Variants in OSBPL1A observed in about 807,000 individuals in gnomAD.
OSBPL1A encodes the protein oxysterol-binding protein-related protein 1.
A neutral mutation model predicts 137.1 loss-of-function variants in OSBPL1A; 80 were observed. The observed-to-expected ratio is 0.58, with a 90% CI of 0.49 to 0.70. The LOEUF (loss-of-function observed/expected upper bound fraction) is 0.70, where lower values mean the gene tolerates loss of function less well. OSBPL1A is among the 30% of genes least tolerant of loss of function. The pLI, the probability that OSBPL1A is intolerant of heterozygous loss-of-function variation, is 0.00. For missense variants in OSBPL1A, 970 were observed against 1,129.4 expected, an observed-to-expected ratio of 0.86 and a Z score of 2.02; for synonymous variants, 365 against 389.7, an observed-to-expected ratio of 0.94 and a Z score of 0.75.
intron 1 of OSBPL1A, among the ~76,000 whole-genome samples, chr18:24,386,304 AT>A (rs1366461784): frequency 6.6e-6 from 1 of 152,212 alleles, no homozygotes; most frequent in Admixed American, 6.5e-5. Context: ...AAGCCCACAG[AT>A]ATCAGTTTTA....
Position 24,171,450 on chromosome 18 carries a change from A to G in OSBPL1A, c.2250T>C (p.Gly750=), listed in dbSNP as rs2086284272. The G allele has an allele frequency of 6.2e-7, 1 of 1,613,772 alleles. No homozygotes were observed. The highest frequency in any genetic ancestry group is 1.3e-5 in the African/African-American group (1 of 74,926). Residue 750 remains glycine (G), a synonymous_variant, in exon 23 of 28, where the codon GGT becomes GGC. Coordinates refer to ENST00000319481, the MANE Select transcript of OSBPL1A (RefSeq NM_080597.4). The part of the protein sequence containing the change: ...VLNFKPCGLF[G]KELHKVEGYI... ...AGCCTTCAACTTTGTGTAATTCCTTACCAAAAAGGCCACATGGCTTAAAAT... is the reference window on the plus strand; with the variant it reads ...AGCCTTCAACTTTGTGTAATTCCTTGCCAAAAAGGCCACATGGCTTAAAAT...
chr18:24,317,087 G>A, intron 11 of OSBPL1A, 62 bp downstream of exon 11: 1 of 1,519,632 alleles, frequency 6.6e-7, no homozygotes, highest in Non-Finnish European at 9.1e-7. Context: ...AATGATTTGG[G>A]TCAATCACTT....
intron 16 of OSBPL1A, among the ~76,000 whole-genome samples, chr18:24,237,734 A>C (rs1240700043): frequency 6.6e-6 from 1 of 152,162 alleles, no homozygotes; most frequent in Admixed American, 6.5e-5. Context: ...GATGCTCCCC[A>C]TAGAAGAAGC....
intron 2 of OSBPL1A, 23 bp downstream of exon 2, chr18:24,377,390 T>G: frequency 6.3e-7 from 1 of 1,596,032 alleles, no homozygotes; most frequent in Non-Finnish European, 8.5e-7. Context: ...AAGAGAAAGC[T>G]ACAAAATCCA....
At chr18:24,333,131 G>A in intron 6 of OSBPL1A, 45 bp from the exon 7 acceptor site, 1 of 1,587,726 alleles carries the variant, frequency 6.3e-7, no homozygotes, top group Non-Finnish European at 8.6e-7. Flanking sequence ...ATCAAAGATA[G>A]ACTTTCCTCT....
At chr18:24,247,222 C>G (rs1013393937) in intron 15 of OSBPL1A, among the ~76,000 whole-genome samples, 8 of 152,110 alleles carry the variant, frequency 5.3e-5, no homozygotes, top group Admixed American at 5.2e-4. Context: ...TGTGTGGTGT[C>G]TTGGAAGCCT....
intron 17 of OSBPL1A, among the ~76,000 whole-genome samples, chr18:24,221,706 C>T (rs2087898235): frequency 6.6e-6 from 1 of 152,118 alleles, no homozygotes; most frequent in South Asian, 2.1e-4. Flanking sequence ...CTATTCTTTC[C>T]CTCACTAATC....
chr18:24,310,601 C>CAAAAAAAAAAAAAAA (rs751767943), intron 13 of OSBPL1A, among the ~76,000 whole-genome samples: 1 of 53,020 alleles, frequency 1.9e-5, no homozygotes, highest in Non-Finnish European at 4.2e-5. Flanking sequence ...GACTCCGTCT[C>CAAAAAAAAAAAAAAA]AAAAAAAAAA....
At chr18:24,190,417 T>C (rs906972249) in intron 18 of OSBPL1A, among the ~76,000 whole-genome samples, 3 of 149,130 alleles carry the variant, frequency 2.0e-5, no homozygotes, top group East Asian at 2.0e-4. Context: ...ATAGTATTTA[T>C]ACCTGGAAAT....
At chr18:24,282,830 G>A (rs1009552174) in intron 14 of OSBPL1A, among the ~76,000 whole-genome samples, 11 of 152,268 alleles carry the variant, frequency 7.2e-5, no homozygotes, top group Middle Eastern at 3.4e-3. Flanking sequence ...CAGCTAGGGC[G>A]AGGCATGGTG....
chr18:24,378,796 G>A (rs1320135833), intron 1 of OSBPL1A, among the ~76,000 whole-genome samples: 1 of 152,122 alleles, frequency 6.6e-6, no homozygotes, highest in African/African-American at 2.4e-5. Flanking sequence ...TACCCTCTAT[G>A]AGACTTAGCT....
intron 17 of OSBPL1A, among the ~76,000 whole-genome samples, chr18:24,213,642 T>G (rs2087609092): frequency 6.6e-6 from 1 of 152,204 alleles, no homozygotes; most frequent in Non-Finnish European, 1.5e-5. Context: ...TTTCCATAAC[T>G]TAAAATTATT....
chr18:24,326,304 AGACACTTTCT>A (rs1034354708), intron 7 of OSBPL1A, among the ~76,000 whole-genome samples: 1 of 152,198 alleles, frequency 6.6e-6, no homozygotes, highest in African/African-American at 2.4e-5. Context: ...TAAAATGAAG[AGACACTTTCT>A]GAGGTGTCTG....
At chr18:24,164,427 T>G (rs1274046118) in intron 27 of OSBPL1A, among the ~76,000 whole-genome samples, 1 of 134,214 alleles carries the variant, frequency 7.5e-6, no homozygotes. Context: ...TTGGTTTTTT[T>G]TTTTTTTTTT....
At chr18:24,354,748 C>CAA (rs59694707) in intron 4 of OSBPL1A, among the ~76,000 whole-genome samples, 1,500 of 77,060 alleles carry the variant, frequency 0.019, 16 homozygotes, top group Middle Eastern at 0.028. Flanking sequence ...CTCAATATAG[C>CAA]AAAAAAAAAA....
At chr18:24,387,460 T>C (rs1286075286) in intron 1 of OSBPL1A, among the ~76,000 whole-genome samples, 1 of 152,156 alleles carries the variant, frequency 6.6e-6, no homozygotes, top group Admixed American at 6.5e-5. Context: ...GAAAACCTCC[T>C]AAAAATGACA....
intron 4 of OSBPL1A, among the ~76,000 whole-genome samples, chr18:24,362,756 T>C (rs748869138): frequency 5.3e-5 from 8 of 152,352 alleles, no homozygotes; most frequent in Non-Finnish European, 1.2e-4. Context: ...CTTTTAGCTA[T>C]GAAAGGATAA....
At chr18:24,250,441 C>T (rs576341745) in intron 15 of OSBPL1A, among the ~76,000 whole-genome samples, 154 of 152,200 alleles carry the variant, frequency 1.0e-3, no homozygotes, top group African/African-American at 3.6e-3. Flanking sequence ...CTCCCAAAGT[C>T]CTGGGATTAC....
At chr18:24,270,560 G>C (rs536090328) in intron 15 of OSBPL1A, among the ~76,000 whole-genome samples, 61 of 152,286 alleles carry the variant, frequency 4.0e-4, no homozygotes, top group Non-Finnish European at 7.5e-4. Flanking sequence ...GGCAAAAGTA[G>C]CACTGGGACA....
Sources: allele counts gnomAD v4.1 joint callset (sites outside exome capture counted in the v4.1 genomes callset), GRCh38; gene constraint gnomAD v4.1.1; transcripts MANE v1.5; gene names NCBI Gene and HGNC (gene_info 2026-07-23, HGNC 2026-07-21).